Variants in DEUP1 observed in about 807,000 individuals in gnomAD.
DEUP1 encodes the protein deuterosome assembly protein 1.
Under a neutral mutation model 87.4 loss-of-function variants are expected in DEUP1, and 82 were observed. That is an observed-to-expected ratio of 0.94 (90% CI 0.78 to 1.13). The LOEUF (loss-of-function observed/expected upper bound fraction) is 1.13. Among genes scored for constraint, DEUP1 ranks in the 50% most tolerant of loss-of-function variants. The pLI is 0.00. For synonymous variants in DEUP1, 214 were observed against 222.7 expected, an observed-to-expected ratio of 0.96 and a Z score of 0.35; for missense variants, 663 against 681.5, an observed-to-expected ratio of 0.97 and a Z score of 0.30.
chr11:93,351,530 A>G (rs1328188616), intron 2 of DEUP1, among the ~76,000 whole-genome samples: 3 of 152,238 alleles, frequency 2.0e-5, no homozygotes. Context: ...TATTTACAGT[A>G]CAAGGTGATA....
At chr11:93,437,516 C>A (rs1046750851) in intron 13 of DEUP1, 27 bp from the exon 14 acceptor site, 4 of 1,576,666 alleles carry the variant, frequency 2.5e-6, no homozygotes, top group African/African-American at 1.4e-5. Context: ...GTATTCCTCA[C>A]TCACTTTTCT....
intron 13 of DEUP1, among the ~76,000 whole-genome samples, chr11:93,420,870 C>T (rs1448023744): frequency 1.8e-5 from 2 of 114,056 alleles, no homozygotes; most frequent in East Asian, 2.9e-4. Context: ...TGTGAAGGAC[C>T]TCTTCAAGGA....
intron 3 of DEUP1, 111 bp downstream of exon 3, chr11:93,355,653 A>G: frequency 2.1e-6 from 2 of 946,264 alleles, no homozygotes; most frequent in East Asian, 5.6e-5. Flanking sequence ...CAGCAACAGC[A>G]TTTATTGCTT....
intron 3 of DEUP1, among the ~76,000 whole-genome samples, chr11:93,356,302 A>G (rs1446501916): frequency 2.0e-5 from 3 of 152,170 alleles, no homozygotes; most frequent in Non-Finnish European, 4.4e-5. Flanking sequence ...ATAGTTAACT[A>G]TATTATTGTT....
intron 12 of DEUP1, among the ~76,000 whole-genome samples, chr11:93,414,367 C>T (rs1386056424): frequency 6.6e-6 from 1 of 151,924 alleles, no homozygotes; most frequent in East Asian, 1.9e-4. Context: ...CAGAAAATTA[C>T]CCTGGCGTGG....
At chr11:93,355,301 A>G in intron 2 of DEUP1, 70 bp from the exon 3 acceptor site, 2 of 1,284,258 alleles carry the variant, frequency 1.6e-6, no homozygotes, top group Non-Finnish European at 2.2e-6. Context: ...TATGCAGAGC[A>G]ATGTAATAAT....
At chr11:93,376,749 C>T (rs1946060815) in intron 7 of DEUP1, among the ~76,000 whole-genome samples, 1 of 152,148 alleles carries the variant, frequency 6.6e-6, no homozygotes, top group Non-Finnish European at 1.5e-5. Context: ...TTGATGTAGA[C>T]ATTCAATGCT....
intron 13 of DEUP1, among the ~76,000 whole-genome samples, chr11:93,434,648 T>C (rs1948189035): frequency 6.6e-6 from 1 of 152,158 alleles, no homozygotes; most frequent in Non-Finnish European, 1.5e-5. Flanking sequence ...ACAGGTCTCT[T>C]GGTAGAAGCA....
chr11:93,418,210 A>C (rs1399381564), intron 13 of DEUP1, among the ~76,000 whole-genome samples: 3 of 152,168 alleles, frequency 2.0e-5, no homozygotes, highest in Admixed American at 6.5e-5. Context: ...GAGCTTCTGC[A>C]CAGCAAAAGA....
At chr11:93,414,500 C>G (rs758347304) in intron 12 of DEUP1, among the ~76,000 whole-genome samples, 3 of 151,962 alleles carry the variant, frequency 2.0e-5, no homozygotes, top group African/African-American at 4.8e-5. Context: ...GAGCAAGGCT[C>G]TGTCTCAAAA....
chr11:93,370,276 C>T (rs1945653040), intron 6 of DEUP1, 90 bp downstream of exon 6: 19 of 646,378 alleles, frequency 2.9e-5, no homozygotes, highest in Non-Finnish European at 4.7e-5. Flanking sequence ...TACAAACAGA[C>T]ATGCCAACTA....
intron 7 of DEUP1, among the ~76,000 whole-genome samples, chr11:93,384,476 G>C (rs1420890135): frequency 6.6e-6 from 1 of 152,132 alleles, no homozygotes; most frequent in African/African-American, 2.4e-5. Context: ...CACCTTCTTA[G>C]GAACTTGACA....
In DEUP1 at chr11:93,437,614, A is replaced by G. The variant is rs1486087477; in HGVS notation, c.1710A>G (p.Ala570=). The G allele has an allele frequency of 6.2e-7, 1 of 1,613,422 alleles. No homozygotes were observed. Among genetic ancestry groups the G allele is most frequent in the Admixed American group, 1.7e-5 (1 of 60,018 alleles). ...TCCTTCTGGAAGAAGAGAAACGAGC[A>G]AAAGAACTTGAAAAACTTCTAAATA... ...QHFLLEEEKR[A]KELEKLLNTH... Residue 570 remains alanine (A), a synonymous_variant, in exon 14 of 14, where the codon GCA becomes GCG. Transcript: ENST00000298050.
intron 5 of DEUP1, among the ~76,000 whole-genome samples, chr11:93,368,574 A>G (rs1443006628): frequency 6.6e-6 from 1 of 152,158 alleles, no homozygotes; most frequent in Non-Finnish European, 1.5e-5. Context: ...AGTGCTACAC[A>G]CTTTCAAACA....
chr11:93,387,767 CT>C (rs1271020547), intron 8 of DEUP1, among the ~76,000 whole-genome samples: 2 of 151,894 alleles, frequency 1.3e-5, no homozygotes. Flanking sequence ...ATAATGAAAA[CT>C]TAAGACTGAT....
intron 2 of DEUP1, among the ~76,000 whole-genome samples, chr11:93,350,094 G>A (rs1944556576): frequency 6.6e-6 from 1 of 152,222 alleles, no homozygotes; most frequent in Non-Finnish European, 1.5e-5. Flanking sequence ...GAAGATGGCA[G>A]TCAGTGATCA....
chr11:93,383,669 C>T, intron 7 of DEUP1: 1 of 633,230 alleles, frequency 1.6e-6, no homozygotes, highest in East Asian at 2.8e-5. Context: ...GATTATATTT[C>T]AATGAATATT....
intron 7 of DEUP1, among the ~76,000 whole-genome samples, chr11:93,372,907 G>A (rs1054737016): frequency 6.6e-6 from 1 of 152,202 alleles, no homozygotes; most frequent in Non-Finnish European, 1.5e-5. Context: ...GGGCTTCTAA[G>A]TGCTTAGCAT....
chr11:93,406,540 AT>A (rs1947283436), intron 11 of DEUP1, among the ~76,000 whole-genome samples: 1 of 151,950 alleles, frequency 6.6e-6, no homozygotes, highest in Non-Finnish European at 1.5e-5. Context: ...ACAAGTGAAT[AT>A]TAGCTTTTAG....
Sources: gnomAD v4.1 joint callset for allele counts (sites outside exome capture counted in the v4.1 genomes callset) on GRCh38, gnomAD v4.1.1 for gene constraint, MANE v1.5 for transcripts, NCBI Gene and HGNC (gene_info 2026-07-23, HGNC 2026-07-21) for gene names.